The following C5orf22 variants were observed in gnomAD, a reference collection of about 807,000 sequenced individuals.
C5orf22 encodes the protein UPF0489 protein C5orf22.
A neutral mutation model predicts 48.7 loss-of-function variants in C5orf22; 36 were observed. The ratio of observed to expected loss-of-function variants is 0.74; its 90% confidence interval spans 0.57 to 0.98. C5orf22 has a LOEUF of 0.98. Among genes scored for constraint, C5orf22 ranks in the 50% least tolerant of loss-of-function variants. C5orf22 has a pLI of 0.00. For missense variants in C5orf22, 486 were observed against 521.9 expected (o/e 0.93, Z 0.67); for synonymous variants, 141 against 180.8 (o/e 0.78, Z 1.76).
chr5:31,551,275 T>C lies in C5orf22; in HGVS notation c.1060-18T>C, dbSNP rs576088481. On this transcript the variant is annotated intron_variant, in intron 7 of 8. Coordinates refer to ENST00000325366, the MANE Select transcript of C5orf22 (RefSeq NM_018356.3). ...AACAACTGTCATACAGTGTAATTTTTAATTGTCTTATTTTCAGGTTCACCA... is the reference window on the plus strand; with the variant it reads ...AACAACTGTCATACAGTGTAATTTTCAATTGTCTTATTTTCAGGTTCACCA... 349 of 1,611,278 alleles carry C rather than the reference T, an allele frequency of 2.2e-4. No individual in the cohort carries two copies. The highest frequency in any genetic ancestry group is 2.8e-4 in the Non-Finnish European group (334 of 1,179,268).
chr5:31,537,399 C>T (rs931160978), intron 3 of C5orf22, among the ~76,000 whole-genome samples: 1 of 152,172 alleles, frequency 6.6e-6, no homozygotes, highest in African/African-American at 2.4e-5. Context: ...TTGGGGGATA[C>T]AGCTTCATCT....
chr5:31,541,870 T>C (rs574067947), intron 6 of C5orf22, among the ~76,000 whole-genome samples: 1 of 152,358 alleles, frequency 6.6e-6, no homozygotes, highest in East Asian at 1.9e-4. Flanking sequence ...CTAAGATTTT[T>C]CCTTGCCTTA....
chr5:31,551,741 G>T (rs1743281859), intron 8 of C5orf22, among the ~76,000 whole-genome samples: 1 of 152,180 alleles, frequency 6.6e-6, no homozygotes, highest in Non-Finnish European at 1.5e-5. Flanking sequence ...CCAGGGGACA[G>T]ATTATCCCTG....
chr5:31,545,923 T>C (rs1476643688), intron 7 of C5orf22, among the ~76,000 whole-genome samples: 1 of 152,178 alleles, frequency 6.6e-6, no homozygotes, highest in East Asian at 1.9e-4. Context: ...AACTTTTTTT[T>C]CTCAATTTTA....
chr5:31,549,831 T>C (rs1019132090), intron 7 of C5orf22, among the ~76,000 whole-genome samples: 1 of 152,190 alleles, frequency 6.6e-6, no homozygotes, highest in Non-Finnish European at 1.5e-5. Flanking sequence ...GATCCTGCCA[T>C]TGGACTCCAG....
At chr5:31,543,508 T>C (rs1231238985) in intron 6 of C5orf22, among the ~76,000 whole-genome samples, 1 of 152,042 alleles carries the variant, frequency 6.6e-6, no homozygotes, top group Non-Finnish European at 1.5e-5. Flanking sequence ...AGGTCAAGGC[T>C]GCAGTGAGCT....
At chr5:31,545,539 T>C in intron 6 of C5orf22, 107 bp from the exon 7 acceptor site, 2 of 772,702 alleles carry the variant, frequency 2.6e-6, no homozygotes, top group South Asian at 1.5e-5. Flanking sequence ...CCAAGTGCCA[T>C]ATGAAGCATG....
At chr5:31,540,245 G>A (rs552023702) in intron 4 of C5orf22, among the ~76,000 whole-genome samples, 3 of 152,236 alleles carry the variant, frequency 2.0e-5, no homozygotes, top group African/African-American at 7.2e-5. Flanking sequence ...CCACAACATT[G>A]TGCTTAATGA....
At chr5:31,535,028 T>C (rs1741988577) in intron 2 of C5orf22, 1 of 453,758 alleles carries the variant, frequency 2.2e-6, no homozygotes, top group Admixed American at 2.4e-5. Context: ...TTGAAATATA[T>C]GATGAAGATT....
chr5:31,541,415 A>G lies in C5orf22; in HGVS notation c.992+13A>G. ...CTTCAAACCCTGGGTAAGACTCTCA[A>G]ACATTTTTTTCCCCCAACTCTACTA... is the stretch of plus-strand genomic sequence containing the variant. On this transcript the variant is annotated intron_variant, in intron 6 of 8. Coordinates refer to ENST00000325366, the MANE Select transcript of C5orf22 (RefSeq NM_018356.3). The G allele has an allele frequency of 6.2e-7, 1 of 1,610,910 alleles. No homozygotes were observed. Among genetic ancestry groups the G allele is most frequent in the Non-Finnish European group, 8.5e-7 (1 of 1,178,454 alleles).
rs556958176 is a variant in C5orf22 at position 31,538,176 on chromosome 5, C to G, written c.378-84C>G. The stretch of plus-strand genomic sequence containing the variant: ...GCTCTCAGTTTTTGTCAAATAGGTC[C>G]GTTCTTATATTTCTGCCATACCATA... On this transcript the variant is annotated intron_variant, in intron 3 of 8. Transcript: ENST00000325366. The G allele has an allele frequency of 7.0e-6, 7 of 1,003,930 alleles. No individual in the cohort carries two copies. In the Admixed American group the frequency reaches 1.6e-4, roughly 23 times the overall value. 62.2% of individuals were successfully genotyped at this position (1,003,930 alleles called of 1,614,324 possible).
chr5:31,538,978 T>C (rs1401536191), intron 4 of C5orf22, among the ~76,000 whole-genome samples: 1 of 152,192 alleles, frequency 6.6e-6, no homozygotes, highest in Non-Finnish European at 1.5e-5. Flanking sequence ...TATACATGGG[T>C]GATGGATAAA....
Position 31,541,014 on chromosome 5 carries a change from A to C in C5orf22, c.870+3A>C, listed in dbSNP as rs1298629236. On this transcript the variant is annotated splice_donor_region_variant and intron_variant, in intron 5 of 8. Coordinates refer to ENST00000325366, the MANE Select transcript of C5orf22 (RefSeq NM_018356.3). ...AACCTGGCACCAACCTAACAGAGGT[A>C]TCCTCCATTTGTTTCTTTGGGGTTT... is the stretch of plus-strand genomic sequence containing the variant. 6.2e-7 allele frequency: 1 copy of C among 1,604,842 alleles called. No individual in the cohort carries two copies. Among genetic ancestry groups the C allele is most frequent in the South Asian group, 1.1e-5 (1 of 90,658 alleles).
chr5:31,532,547 G>A, intron 1 of C5orf22, 74 bp downstream of exon 1: 2 of 1,279,778 alleles, frequency 1.6e-6, no homozygotes, highest in Non-Finnish European at 2.2e-6. Context: ...AGCAGAGGGC[G>A]CAACCTTAGC....
At chr5:31,539,719 A>G (rs1292312728) in intron 4 of C5orf22, among the ~76,000 whole-genome samples, 4 of 152,148 alleles carry the variant, frequency 2.6e-5, no homozygotes, top group Non-Finnish European at 5.9e-5. Context: ...TCATTAGGAA[A>G]GACAGATGTT....
intron 7 of C5orf22, among the ~76,000 whole-genome samples, chr5:31,550,347 C>T (rs1033022516): frequency 6.6e-6 from 1 of 152,152 alleles, no homozygotes; most frequent in African/African-American, 2.4e-5. Context: ...AGTGCTAAGA[C>T]TAGAACATAT....
rs1407495950 is a variant in C5orf22, at chr5:31,553,113, T to C, written c.*211T>C. Reference sequence around the variant, plus strand: ...GTCTCATAACCCCAACTGATAGAACTGTTGCTTATCTGTCTTCCTTAAGTA... The same window carrying C: ...GTCTCATAACCCCAACTGATAGAACCGTTGCTTATCTGTCTTCCTTAAGTA... On this transcript the variant is annotated 3_prime_UTR_variant, in exon 9 of 9. Transcript: ENST00000325366. 2.5e-6 allele frequency: 1 copy of C among 400,050 alleles called. No homozygotes were observed. Among genetic ancestry groups the C allele is most frequent in the Non-Finnish European group, 4.5e-6 (1 of 223,430 alleles). 24.8% of individuals were successfully genotyped at this position (400,050 alleles called of 1,614,324 possible). A position where few individuals can be genotyped will look rare whatever the true frequency, so the allele number is the denominator to read the frequency against.
chr5:31,545,715 A>G lies in C5orf22; in HGVS notation c.1059+3A>G, dbSNP rs780510686. On this transcript the variant is annotated splice_donor_region_variant and intron_variant, in intron 7 of 8. Coordinates refer to ENST00000325366, the MANE Select transcript of C5orf22 (RefSeq NM_018356.3). ...TGGAAGTACCAGACTATGAAATGGT[A>G]AATATTTTATATTAATGTGTAAAAT... The G allele has an allele frequency of 6.4e-7, 1 of 1,571,498 alleles. No homozygotes were observed. Among genetic ancestry groups the G allele is most frequent in the Admixed American group, 1.7e-5 (1 of 58,894 alleles).
At position 31,541,471 on chromosome 5, in the gene C5orf22, G is replaced by A. The variant is rs1396832520; in HGVS notation, c.992+69G>A. 1.0e-5 allele frequency: 16 copies of A among 1,537,186 alleles called. No homozygotes were observed. In the Admixed American group the frequency reaches 1.1e-4, roughly 10 times the overall value. On this transcript the variant is annotated intron_variant, in intron 6 of 8. Coordinates refer to ENST00000325366, the MANE Select transcript of C5orf22 (RefSeq NM_018356.3). ...CAGTCCTAGATATGTTCCTAAATTT[G>A]CAAGATACATTGCTTTTAAAAAAGT...
Sources: gnomAD v4.1 joint callset for allele counts (sites outside exome capture counted in the v4.1 genomes callset) on GRCh38, gnomAD v4.1.1 for gene constraint, MANE v1.5 for transcripts, NCBI Gene and HGNC (gene_info 2026-07-23, HGNC 2026-07-21) for gene names.